Variants in TG observed in about 807,000 individuals in gnomAD.
The protein encoded by TG is thyroglobulin.
TG carries 270 observed loss-of-function variants against 324.7 expected under a neutral mutation model. The observed-to-expected ratio is 0.83, with a 90% CI of 0.75 to 0.92. TG has a LOEUF of 0.92. TG is among the 40% of genes least tolerant of loss of function. TG has a pLI of 0.00. For missense variants in TG, 3,591 were observed against 3,456.4 expected, an observed-to-expected ratio of 1.04 and a Z score of -0.98; for synonymous variants, 1,401 against 1,327.0, an observed-to-expected ratio of 1.06 and a Z score of -1.21.
intron 5 of TG, among the ~76,000 whole-genome samples, chr8:132,874,706 C>G (rs1176722593): frequency 6.6e-6 from 1 of 152,152 alleles, no homozygotes; most frequent in Non-Finnish European, 1.5e-5. Context: ...TTAGGTTGAA[C>G]CCCATGAAAT....
intron 5 of TG, among the ~76,000 whole-genome samples, chr8:132,878,739 T>C (rs1814223085): frequency 6.6e-6 from 1 of 152,188 alleles, no homozygotes. Flanking sequence ...TCAGTTTTCC[T>C]TGCTGCCCAC....
intron 45 of TG, among the ~76,000 whole-genome samples, chr8:133,123,855 G>A (rs140759484): frequency 2.6e-5 from 4 of 152,352 alleles, no homozygotes; most frequent in South Asian, 2.1e-4. Context: ...TTTCTCATCT[G>A]TGCAGTGGAG....
chr8:133,036,795 A>G (rs1180692209), intron 41 of TG: 2 of 152,664 alleles, frequency 1.3e-5, no homozygotes, highest in Admixed American at 6.5e-5. Context: ...GCAAAGTGTA[A>G]TGCTTCCCAC....
chr8:133,119,794 A>G (rs932308941), intron 45 of TG, among the ~76,000 whole-genome samples: 1 of 152,158 alleles, frequency 6.6e-6, no homozygotes, highest in Middle Eastern at 3.2e-3. Context: ...GCAGTAACCC[A>G]CCCGCGGCTT....
chr8:132,920,921 A>G (rs1821014330), intron 21 of TG, among the ~76,000 whole-genome samples: 2 of 152,246 alleles, frequency 1.3e-5, no homozygotes, highest in African/African-American at 4.8e-5. Flanking sequence ...TGGGTTGCCT[A>G]AGCAACACAT....
chr8:132,957,327 A>G (rs981181889), intron 27 of TG, among the ~76,000 whole-genome samples: 1 of 152,196 alleles, frequency 6.6e-6, no homozygotes, highest in African/African-American at 2.4e-5. Context: ...TTAAGACAGC[A>G]TATTTCCCAG....
At chr8:132,890,108 T>C (rs1816017721) in intron 10 of TG, among the ~76,000 whole-genome samples, 1 of 143,470 alleles carries the variant, frequency 7.0e-6, no homozygotes, top group Non-Finnish European at 1.5e-5. Context: ...GTGTTAGAAC[T>C]AGACTTAGAG....
chr8:132,934,738 C>A (rs1159571517), intron 24 of TG, among the ~76,000 whole-genome samples: 2 of 152,206 alleles, frequency 1.3e-5, no homozygotes, highest in East Asian at 3.8e-4. Context: ...ACAGGAAACT[C>A]AAAATTTGGC....
rs1490405593 is a variant in TG at position 132,969,431 on chromosome 8, A to G, written c.5864-27A>G. On this transcript the variant is annotated intron_variant, in intron 31 of 47. Coordinates refer to ENST00000220616, the MANE Select transcript of TG (RefSeq NM_003235.5). ...CATGACTACAGCAAATCTCTAAGTA[A>G]TGTATTTTCTTTCTTCCTCTATGAA... 4 of 1,467,224 alleles carry G rather than the reference A, an allele frequency of 2.7e-6. No homozygotes were observed. The African/African-American group carries it at 4.2e-5, about 15-fold the overall frequency. 90.9% of individuals were successfully genotyped at this position (1,467,224 alleles called of 1,614,324 possible).
chr8:133,092,438 G>T (rs16904827), intron 41 of TG, among the ~76,000 whole-genome samples: 17 of 152,134 alleles, frequency 1.1e-4, no homozygotes, highest in African/African-American at 3.9e-4. Flanking sequence ...GGAGCCCAGG[G>T]CTGTGGACCT....
At chr8:133,056,459 A>T (rs1341701289) in intron 41 of TG, among the ~76,000 whole-genome samples, 1 of 152,158 alleles carries the variant, frequency 6.6e-6, no homozygotes, top group East Asian at 1.9e-4. Context: ...TTCATTCGAG[A>T]CGAGCCCATC....
rs2130790915 is a variant in TG, at chr8:132,994,894, A to AAT, written c.6262+11482_6262+11483insAT. Reference sequence around the variant, plus strand: ...GTGATGGAGTAAGATTGAGGTAATGAGCTCCCTGTCACTGGAGTATTCAAA... The same window carrying AAT: ...GTGATGGAGTAAGATTGAGGTAATGAATGCTCCCTGTCACTGGAGTATTCAAA... On this transcript the variant is annotated intron_variant, in intron 35 of 47. Coordinates refer to ENST00000220616, the MANE Select transcript of TG (RefSeq NM_003235.5). The AAT allele has an allele frequency of 1.7e-5, 20 of 1,202,022 alleles. 1 individual carries two copies. In the South Asian group the frequency reaches 2.8e-4, roughly 17 times the overall value. 74.5% of individuals were successfully genotyped at this position (1,202,022 alleles called of 1,614,324 possible).
At chr8:132,928,432 T>C (rs1822205962) in intron 22 of TG, among the ~76,000 whole-genome samples, 3 of 152,214 alleles carry the variant, frequency 2.0e-5, no homozygotes, top group Non-Finnish European at 4.4e-5. Flanking sequence ...TGCTTTCTTT[T>C]TTGCTTGGTG....
chr8:132,898,749 C>T, intron 13 of TG, 49 bp from the exon 14 acceptor site: 1 of 1,565,930 alleles, frequency 6.4e-7, no homozygotes, highest in Non-Finnish European at 8.8e-7. Flanking sequence ...TCCCCTCTTT[C>T]TCTTGGCTCC....
chr8:133,027,790 T>C (rs1423627229), intron 40 of TG, among the ~76,000 whole-genome samples: 3 of 152,268 alleles, frequency 2.0e-5, no homozygotes, highest in Non-Finnish European at 4.4e-5. Context: ...CCCAACTTGA[T>C]CTCAAATTCA....
At chr8:132,959,496 G>A (rs1204250903) in intron 27 of TG, among the ~76,000 whole-genome samples, 1 of 152,112 alleles carries the variant, frequency 6.6e-6, no homozygotes, top group Non-Finnish European at 1.5e-5. Flanking sequence ...AATGATGCTG[G>A]GACTTTTTTT....
intron 41 of TG, among the ~76,000 whole-genome samples, chr8:133,032,634 A>G (rs779090377): frequency 5.3e-5 from 8 of 152,222 alleles, no homozygotes; most frequent in Middle Eastern, 3.2e-3. Context: ...GAACTAAAAT[A>G]CTTCAATATA....
chr8:132,970,459 T>C (rs1233579910), intron 32 of TG, among the ~76,000 whole-genome samples: 3 of 152,300 alleles, frequency 2.0e-5, no homozygotes, highest in Non-Finnish European at 2.9e-5. Flanking sequence ...AGTTCAAGAA[T>C]CTGACCTTTA....
At chr8:133,008,447 A>T (rs371612089) in intron 35 of TG, among the ~76,000 whole-genome samples, 8 of 152,336 alleles carry the variant, frequency 5.3e-5, no homozygotes, top group East Asian at 3.9e-4. Flanking sequence ...TAAAGGAGAG[A>T]TTATATTTTA....
Sources: gnomAD v4.1 joint callset for allele counts (sites outside exome capture counted in the v4.1 genomes callset) on GRCh38, gnomAD v4.1.1 for gene constraint, MANE v1.5 for transcripts, NCBI Gene and HGNC (gene_info 2026-07-23, HGNC 2026-07-21) for gene names.